LRBA: variants seen among roughly 807,000 people sequenced by gnomAD.
LRBA encodes LPS responsive beige-like anchor protein.
LRBA carries 176 observed loss-of-function variants against 330.0 expected under a neutral mutation model. The ratio of observed to expected loss-of-function variants is 0.53; its 90% CI spans 0.47 to 0.60. The LOEUF is 0.60. Ranked by LOEUF, LRBA falls within the 20% of genes least tolerant of loss-of-function variation. LRBA has a pLI of 0.00. For missense variants in LRBA, 3,259 were observed against 3,444.8 expected, an observed-to-expected ratio of 0.95 and a Z score of 1.35; for synonymous variants, 1,230 against 1,193.0, an observed-to-expected ratio of 1.03 and a Z score of -0.64.
At chr4:150,972,898 T>C (rs536412187) in intron 2 of LRBA, among the ~76,000 whole-genome samples, 2 of 152,322 alleles carry the variant, frequency 1.3e-5, no homozygotes, top group African/African-American at 4.8e-5. Flanking sequence ...ACTCACTTTC[T>C]GTAAATTAAT....
At chr4:150,748,927 T>C (rs927789550) in intron 35 of LRBA, among the ~76,000 whole-genome samples, 5 of 152,156 alleles carry the variant, frequency 3.3e-5, no homozygotes, top group Non-Finnish European at 7.4e-5. Flanking sequence ...CAAAGTGCCA[T>C]CTTAGAAGCA....
At chr4:150,759,514 G>A (rs1734776904) in intron 35 of LRBA, among the ~76,000 whole-genome samples, 1 of 152,032 alleles carries the variant, frequency 6.6e-6, no homozygotes, top group Admixed American at 6.6e-5. Context: ...TCAAGTGCTT[G>A]CTCCAATGTT....
At chr4:150,607,062 G>T (rs1336773710) in intron 37 of LRBA, among the ~76,000 whole-genome samples, 1 of 152,126 alleles carries the variant, frequency 6.6e-6, no homozygotes, top group Non-Finnish European at 1.5e-5. Flanking sequence ...AATGTAAAAG[G>T]GCTCTGTAAT....
intron 30 of LRBA, among the ~76,000 whole-genome samples, chr4:150,817,518 G>C (rs887775232): frequency 3.3e-5 from 5 of 151,094 alleles, no homozygotes; most frequent in Non-Finnish European, 7.4e-5. Flanking sequence ...TAAAATTTAG[G>C]ATCATCTTAA....
intron 39 of LRBA, among the ~76,000 whole-genome samples, chr4:150,590,361 CA>C (rs5862927): frequency 0.53 from 65,253 of 122,950 alleles, 16,806 homozygotes; most frequent in Middle Eastern, 0.65. Flanking sequence ...GCTTTATTTA[CA>C]AAAAAAAAAA....
In LRBA at chr4:150,525,921, A is replaced by G. The variant is rs146045805; in HGVS notation, c.6331-34886T>C. 3.6e-3 allele frequency among the ~76,000 whole-genome samples: 546 copies of G among 152,266 alleles called. 3 individuals carry two copies. The highest frequency in any genetic ancestry group is 5.5e-3 in the Non-Finnish European group (374 of 67,980). On this transcript the variant is annotated intron_variant, in intron 40 of 56. Coordinates refer to ENST00000651943, the MANE Select transcript of LRBA (RefSeq NM_001364905.1). ...ATCTTGCTATTAGAAGAAAGAAGTA[A>G]ACATTATTTAAAGAAGGAAACCAGT... is the stretch of plus-strand genomic sequence containing the variant.
At chr4:150,461,654 T>C (rs539110194) in intron 44 of LRBA, among the ~76,000 whole-genome samples, 156 of 151,854 alleles carry the variant, frequency 1.0e-3, no homozygotes, top group African/African-American at 3.5e-3. Flanking sequence ...TCAATAAATA[T>C]TAGTTAACAA....
chr4:150,566,064 C>CAAAA (rs5862926), intron 40 of LRBA, among the ~76,000 whole-genome samples: 10 of 136,438 alleles, frequency 7.3e-5, no homozygotes, highest in Admixed American at 1.5e-4. Flanking sequence ...CCTGTCTCTA[C>CAAAA]AAAAAAAAAA....
At chr4:150,866,013 G>A (rs574687876) in intron 22 of LRBA, among the ~76,000 whole-genome samples, 3 of 152,238 alleles carry the variant, frequency 2.0e-5, no homozygotes, top group African/African-American at 7.2e-5. Context: ...ACCACACCTG[G>A]CCAGAAATGG....
intron 42 of LRBA, among the ~76,000 whole-genome samples, chr4:150,486,235 A>G (rs925811558): frequency 2.6e-5 from 4 of 151,960 alleles, no homozygotes; most frequent in Non-Finnish European, 5.9e-5. Context: ...TTACAACTCA[A>G]TAAAGCTGGA....
intron 22 of LRBA, among the ~76,000 whole-genome samples, chr4:150,854,172 A>G (rs1553982884): frequency 6.6e-6 from 1 of 152,202 alleles, no homozygotes; most frequent in Non-Finnish European, 1.5e-5. Context: ...ACCTAAAAAT[A>G]AAAATGTTCA....
chr4:150,391,628 TTG>T (rs111410765), intron 47 of LRBA, among the ~76,000 whole-genome samples: 3 of 151,562 alleles, frequency 2.0e-5, no homozygotes, highest in East Asian at 1.9e-4. Flanking sequence ...GGTAAGTAAA[TTG>T]TGTGTGTGTG....
intron 13 of LRBA, among the ~76,000 whole-genome samples, chr4:150,902,456 C>G (rs1390378037): frequency 1.3e-5 from 2 of 151,832 alleles, no homozygotes; most frequent in Non-Finnish European, 2.9e-5. Context: ...CTTCCTAGAA[C>G]TAAATCAAAT....
At chr4:150,806,680 G>A (rs1249120779) in intron 32 of LRBA, among the ~76,000 whole-genome samples, 2 of 151,914 alleles carry the variant, frequency 1.3e-5, no homozygotes, top group African/African-American at 4.8e-5. Flanking sequence ...CCAGTTAAGA[G>A]CAGTTTGTTT....
At chr4:150,712,628 G>A (rs1429475789) in intron 36 of LRBA, among the ~76,000 whole-genome samples, 2 of 151,980 alleles carry the variant, frequency 1.3e-5, no homozygotes, top group South Asian at 2.1e-4. Flanking sequence ...CACATTTACT[G>A]GCAAGAACGA....
intron 2 of LRBA, among the ~76,000 whole-genome samples, chr4:150,958,373 G>A (rs1737775434): frequency 6.7e-6 from 1 of 148,996 alleles, no homozygotes; most frequent in South Asian, 2.1e-4. Flanking sequence ...CCACAGCTGG[G>A]ATGCAGGGCA....
At chr4:150,613,276 G>T (rs1775444302) in intron 37 of LRBA, among the ~76,000 whole-genome samples, 1 of 152,156 alleles carries the variant, frequency 6.6e-6, no homozygotes, top group Admixed American at 6.6e-5. Context: ...GATATATGAA[G>T]AGATAATTAC....
At chr4:150,511,644 G>C (rs2152136810) in intron 40 of LRBA, among the ~76,000 whole-genome samples, 1 of 152,296 alleles carries the variant, frequency 6.6e-6, no homozygotes, top group South Asian at 2.1e-4. Context: ...AACTTACTTA[G>C]ATCTCATTGT....
intron 47 of LRBA, among the ~76,000 whole-genome samples, chr4:150,367,881 T>TAA (rs1192246917): frequency 6.6e-6 from 1 of 152,132 alleles, no homozygotes; most frequent in Non-Finnish European, 1.5e-5. Context: ...AATGGCATCT[T>TAA]AAAAAGGCAA....
Sources: allele counts gnomAD v4.1 joint callset (sites outside exome capture counted in the v4.1 genomes callset), GRCh38; gene constraint gnomAD v4.1.1; transcripts MANE v1.5; gene names NCBI Gene and HGNC (gene_info 2026-07-23, HGNC 2026-07-21).